Variants in MARCHF1 observed in about 807,000 individuals in gnomAD.
MARCHF1 encodes E3 ubiquitin-protein ligase MARCHF1.
A neutral mutation model predicts 54.2 loss-of-function variants in MARCHF1; 40 were observed. The ratio of observed to expected loss-of-function variants is 0.74; its 90% CI spans 0.57 to 0.96. The LOEUF (loss-of-function observed/expected upper bound fraction) is 0.96. MARCHF1 is among the 40% of genes least tolerant of loss of function. The probability of loss-of-function intolerance (pLI) is 0.00; values close to 1 mark genes in which losing one functional copy is unlikely to be tolerated. For missense variants in MARCHF1, 586 were observed against 656.5 expected (o/e 0.89, Z 1.17); for synonymous variants, 236 against 236.3 (o/e 1.00, Z 0.01).
chr4:163,592,251 A>G (rs1181551704), intron 7 of MARCHF1, among the ~76,000 whole-genome samples: 2 of 152,172 alleles, frequency 1.3e-5, no homozygotes. Flanking sequence ...CAGACGAGTG[A>G]CAGTTCTTCA....
chr4:163,883,371 C>A (rs1230724683), intron 3 of MARCHF1, among the ~76,000 whole-genome samples: 2 of 133,058 alleles, frequency 1.5e-5, no homozygotes, highest in African/African-American at 2.8e-5. Context: ...TTGCCCTCTA[C>A]ATATGAAGAA....
intron 5 of MARCHF1, among the ~76,000 whole-genome samples, chr4:163,622,612 C>T (rs1461998837): frequency 2.0e-5 from 3 of 152,116 alleles, no homozygotes; most frequent in African/African-American, 7.2e-5. Flanking sequence ...CTATACGTAG[C>T]AAACATCTGC....
intron 1 of MARCHF1, among the ~76,000 whole-genome samples, chr4:164,178,454 G>A (rs185446535): frequency 1.3e-5 from 2 of 152,316 alleles, no homozygotes; most frequent in East Asian, 1.9e-4. Flanking sequence ...ATATGGAAAA[G>A]TCAGGCTGGT....
chr4:164,041,825 T>C (rs1362449375), intron 2 of MARCHF1, among the ~76,000 whole-genome samples: 1 of 152,174 alleles, frequency 6.6e-6, no homozygotes. Flanking sequence ...TAAAGATGCA[T>C]GGTATGCTAT....
chr4:164,007,065 G>A (rs776538215), intron 2 of MARCHF1, among the ~76,000 whole-genome samples: 77 of 132,786 alleles, frequency 5.8e-4, no homozygotes, highest in African/African-American at 1.9e-3. Flanking sequence ...TTGGCAGGGC[G>A]TGGTGGCTCA....
chr4:163,634,119 C>T (rs1742217901), intron 5 of MARCHF1, among the ~76,000 whole-genome samples: 2 of 152,230 alleles, frequency 1.3e-5, no homozygotes, highest in African/African-American at 2.4e-5. Flanking sequence ...AAAGGAACAA[C>T]CGGTACCAGC....
chr4:164,377,503 C>A (rs898483390), intron 1 of MARCHF1, among the ~76,000 whole-genome samples: 2 of 152,074 alleles, frequency 1.3e-5, no homozygotes, highest in African/African-American at 4.8e-5. Flanking sequence ...ACACATTTTT[C>A]ACTCCATAAA....
chr4:163,667,190 G>C (rs1418999831), intron 5 of MARCHF1, among the ~76,000 whole-genome samples: 1 of 151,906 alleles, frequency 6.6e-6, no homozygotes, highest in African/African-American at 2.4e-5. Context: ...TTAGATTCAG[G>C]AGGAAAGGTG....
In MARCHF1 at chr4:163,567,558, G is replaced by T. The variant is rs1021887788; in HGVS notation, c.1191+18191C>A. Among the ~76,000 whole-genome samples, 10 of 152,302 alleles carry T rather than the reference G, an allele frequency of 6.6e-5. No individual in the cohort carries two copies. The East Asian group carries it at 1.2e-3, about 18-fold the overall frequency. ...AGTGGGAGTTAATTGAATCATGGGG[G>T]TGGGTATTTCCTGTGCTATTCTCAT... On this transcript the variant is annotated intron_variant, in intron 8 of 9. Transcript: ENST00000514618.
intron 9 of MARCHF1, among the ~76,000 whole-genome samples, chr4:163,532,795 T>G (rs1441757485): frequency 6.6e-6 from 1 of 151,964 alleles, no homozygotes; most frequent in African/African-American, 2.4e-5. Context: ...GAATTGCACA[T>G]TAAAACAAGA....
chr4:163,812,964 T>C (rs1748434976), intron 4 of MARCHF1, among the ~76,000 whole-genome samples: 2 of 152,246 alleles, frequency 1.3e-5, no homozygotes, highest in Middle Eastern at 3.4e-3. Context: ...TACGTAAAGA[T>C]TATATATGGT....
intron 3 of MARCHF1, among the ~76,000 whole-genome samples, chr4:163,894,481 A>G (rs2111281261): frequency 6.6e-6 from 1 of 151,584 alleles, no homozygotes; most frequent in East Asian, 2.0e-4. Flanking sequence ...AGCCTCTGTA[A>G]GAATAAAGAT....
rs576960036 is a variant in MARCHF1, at chr4:163,898,456, A to C, written c.-38-44287T>G. Among the ~76,000 whole-genome samples the C allele has an allele frequency of 8.5e-5, 13 of 152,214 alleles. No individual in the cohort carries two copies. The South Asian group carries it at 1.7e-3, about 19-fold the overall frequency. ...AATGCTCAACATCAATATACATCGG[A>C]GAAATGAAAATTAAAACCACAACGA... On this transcript the variant is annotated intron_variant, in intron 3 of 9. Transcript: ENST00000514618.
chr4:163,718,754 G>T (rs1474133312), intron 4 of MARCHF1, among the ~76,000 whole-genome samples: 6 of 152,048 alleles, frequency 3.9e-5, no homozygotes, highest in Admixed American at 1.3e-4. Context: ...CTTTTGCCTA[G>T]AACATTACAA....
intron 5 of MARCHF1, among the ~76,000 whole-genome samples, chr4:163,648,420 T>C (rs898556453): frequency 6.6e-6 from 1 of 151,220 alleles, no homozygotes; most frequent in Admixed American, 6.6e-5. Flanking sequence ...TGAACGTTGG[T>C]GAATCAGCAA....
intron 1 of MARCHF1, among the ~76,000 whole-genome samples, chr4:164,160,797 G>C (rs1443498560): frequency 6.6e-6 from 1 of 152,028 alleles, no homozygotes; most frequent in Non-Finnish European, 1.5e-5. Context: ...AGCTTTTAAA[G>C]ATTAAGCCAA....
chr4:164,154,459 G>T (rs1291327379), intron 1 of MARCHF1, among the ~76,000 whole-genome samples: 2 of 152,196 alleles, frequency 1.3e-5, no homozygotes, highest in Non-Finnish European at 2.9e-5. Flanking sequence ...CTGAGCCTGG[G>T]TCTTTTCCAA....
chr4:164,039,858 C>A (rs1305091010), intron 2 of MARCHF1, among the ~76,000 whole-genome samples: 1 of 151,458 alleles, frequency 6.6e-6, no homozygotes, highest in African/African-American at 2.4e-5. Flanking sequence ...TGAGTACTTA[C>A]AAACATCAGT....
At chr4:164,007,423 A>C (rs1330176838) in intron 2 of MARCHF1, among the ~76,000 whole-genome samples, 1 of 151,854 alleles carries the variant, frequency 6.6e-6, no homozygotes, top group African/African-American at 2.4e-5. Context: ...AGGTAAAATT[A>C]AGCACTCAGA....
Sources: gnomAD v4.1 joint callset for allele counts (sites outside exome capture counted in the v4.1 genomes callset) on GRCh38, gnomAD v4.1.1 for gene constraint, MANE v1.5 for transcripts, NCBI Gene and HGNC (gene_info 2026-07-23, HGNC 2026-07-21) for gene names.